The following CUX1 variants were observed in gnomAD, a reference collection of about 807,000 sequenced individuals.
The protein encoded by CUX1 is protein CASP.
CUX1 carries 31 observed loss-of-function variants against 158.8 expected under a neutral mutation model. The ratio of observed to expected loss-of-function variants is 0.20; its 90% confidence interval spans 0.15 to 0.26. CUX1 has a LOEUF of 0.26. Among genes scored for constraint, CUX1 ranks in the 10% least tolerant of loss-of-function variants. The probability of loss-of-function intolerance (pLI) is 1.00; values close to 1 mark genes in which losing one functional copy is unlikely to be tolerated. For missense variants in CUX1, 1,589 were observed against 2,014.6 expected (o/e 0.79, Z 4.04); for synonymous variants, 879 against 862.1 (o/e 1.02, Z -0.34).
intron 20 of CUX1, among the ~76,000 whole-genome samples, chr7:102,210,573 T>C (rs1796413516): frequency 1.3e-5 from 2 of 152,234 alleles, no homozygotes; most frequent in African/African-American, 4.8e-5. Context: ...CTGTTACGTC[T>C]GCATTCACAC....
In CUX1 at chr7:101,817,712, G is replaced by C. The variant is rs767197333; in HGVS notation, c.30+43G>C. The C allele has an allele frequency of 1.9e-6, 3 of 1,547,022 alleles. No homozygotes were observed. Among genetic ancestry groups the C allele is most frequent in the Admixed American group, 3.9e-5 (2 of 50,872 alleles). On this transcript the variant is annotated intron_variant, in intron 1 of 23. Coordinates refer to ENST00000292535, the MANE Select transcript of CUX1 (RefSeq NM_181552.4). This position sits in a 1 kb window ranked among gnomAD's most constrained non-coding sequence, Gnocchi z 4.1. ...CAGAAGTCCCGAGGTTGCAGGCGCG[G>C]AGGGAACCGGGGATGTCGGGGGGTG...
chr7:102,217,958 C>G (rs1797421231), intron 20 of CUX1, among the ~76,000 whole-genome samples: 1 of 152,162 alleles, frequency 6.6e-6, no homozygotes, highest in African/African-American at 2.4e-5. Flanking sequence ...GCGATGGTGT[C>G]TAGAGGGAGA....
intron 5 of CUX1, among the ~76,000 whole-genome samples, chr7:102,097,769 C>T (rs1056276993): frequency 4.6e-5 from 7 of 152,172 alleles, no homozygotes; most frequent in Non-Finnish European, 8.8e-5. Context: ...AAATTCTTCC[C>T]GTATCATTAC....
intron 2 of CUX1, among the ~76,000 whole-genome samples, chr7:102,008,836 C>T (rs1400420849): frequency 6.6e-6 from 1 of 152,160 alleles, no homozygotes; most frequent in Non-Finnish European, 1.5e-5. Flanking sequence ...GATGCGCACC[C>T]CAGGTCTTTT....
chr7:102,143,790 G>A (rs552198707), intron 8 of CUX1, among the ~76,000 whole-genome samples: 122 of 151,282 alleles, frequency 8.1e-4, no homozygotes, highest in Admixed American at 5.5e-3. Flanking sequence ...TTTTTGTTTT[G>A]TTTTGTTTGA....
At chr7:102,271,570 T>C (rs1394745203) in intron 14 of CUX1, among the ~76,000 whole-genome samples, 2 of 152,166 alleles carry the variant, frequency 1.3e-5, no homozygotes, top group African/African-American at 4.8e-5. Flanking sequence ...CTCCTTAAAG[T>C]CCCTGCAGGT....
At chr7:102,059,610 T>A (rs1164584879) in intron 3 of CUX1, among the ~76,000 whole-genome samples, 23 of 138,424 alleles carry the variant, frequency 1.7e-4, no homozygotes, top group Non-Finnish European at 3.2e-4. Context: ...CCAGCCTGAG[T>A]GACAGAGTGA....
chr7:101,890,476 C>T (rs1211522311), intron 1 of CUX1, among the ~76,000 whole-genome samples: 3 of 152,054 alleles, frequency 2.0e-5, no homozygotes, highest in African/African-American at 4.8e-5. Flanking sequence ...ACCCTGCAGC[C>T]TGTCCTTCGT....
upstream of CUX1, among the ~76,000 whole-genome samples, chr7:101,816,605 C>G (rs1283472894): frequency 4.2e-5 from 6 of 144,408 alleles, no homozygotes; most frequent in South Asian, 1.3e-3. Context: ...CCCCGGCCCG[C>G]CGTATTCCCG....
Position 102,196,699 on chromosome 7 carries a change from C to T in CUX1, c.1288C>T (p.Pro430Ser), listed in dbSNP as rs200423314. The change falls in exon 15 of 24, where the codon CCT becomes TCT. Residue 430 changes from proline (P) to serine (S), a missense_variant. Pro to Ser is a moderately conservative substitution (Grantham distance 74, BLOSUM62 -1). Around this residue, in one of 8 missense-constraint regions of CUX1, gnomAD observed 515 missense variants for 574.4 expected, o/e 0.90. Transcript: ENST00000292535. ...SRRPGSLPAP[P>S]PSQLPRNPGE... ...GCGCCCGGGATCTTTGCCGGCCCCC[C>T]CTCCTTCTCAGTTGCCCCGCAACCC... 1.2e-5 allele frequency: 20 copies of T among 1,607,720 alleles called. No homozygotes were observed. The highest frequency in any genetic ancestry group is 1.6e-5 in the Non-Finnish European group (19 of 1,176,114).
chr7:102,218,925 C>T lies in CUX1; in HGVS notation c.3131-8442C>T, dbSNP rs548156967. ...AAAAATAACCAGGCATGGTGGTGCA[C>T]GCCTGTCGTTCCAGCTACTCAGGAG... On this transcript the variant is annotated intron_variant, in intron 20 of 23. Coordinates refer to ENST00000292535, the MANE Select transcript of CUX1 (RefSeq NM_181552.4). 6.1e-5 allele frequency among the ~76,000 whole-genome samples: 9 copies of T among 148,208 alleles called. No individual in the cohort carries two copies. In the East Asian group the frequency reaches 1.5e-3, roughly 24 times the overall value.
At chr7:102,147,509 T>C (rs1377119425) in intron 8 of CUX1, among the ~76,000 whole-genome samples, 2 of 152,204 alleles carry the variant, frequency 1.3e-5, no homozygotes, top group Non-Finnish European at 1.5e-5. Flanking sequence ...CCAAGACTAT[T>C]ATTGCCTTGT....
intron 2 of CUX1, among the ~76,000 whole-genome samples, chr7:101,972,614 C>T (rs1342959227): frequency 6.6e-6 from 1 of 152,200 alleles, no homozygotes; most frequent in Non-Finnish European, 1.5e-5. Context: ...GTGGCCCTTT[C>T]TGCTGTATTC....
chr7:102,244,429 G>A (rs890539221), intron 23 of CUX1, among the ~76,000 whole-genome samples: 4 of 152,164 alleles, frequency 2.6e-5, no homozygotes, highest in Non-Finnish European at 5.9e-5. Context: ...AGGCTGGGCC[G>A]GGCACGGCCT....
Position 101,832,396 on chromosome 7 carries a change from G to A in CUX1, c.30+14727G>A, listed in dbSNP as rs538740443. The stretch of plus-strand genomic sequence containing the variant: ...GGTGTGGTCATCAGTGTCCCCCACC[G>A]ACATGGCACATCCAGCGAGCCCACT... On this transcript the variant is annotated intron_variant, in intron 1 of 23. Coordinates refer to ENST00000292535, the MANE Select transcript of CUX1 (RefSeq NM_181552.4). 2.0e-5 allele frequency among the ~76,000 whole-genome samples: 3 copies of A among 152,322 alleles called. No individual in the cohort carries two copies. The East Asian group carries it at 5.8e-4, about 29-fold the overall frequency.
chr7:101,912,075 C>T (rs751714782), intron 1 of CUX1, among the ~76,000 whole-genome samples: 11 of 152,146 alleles, frequency 7.2e-5, no homozygotes, highest in African/African-American at 1.9e-4. Context: ...ACCAGGGGCC[C>T]GCAGGTGTTT....
At chr7:102,190,041 A>G (rs1554516558) in intron 12 of CUX1, among the ~76,000 whole-genome samples, 170 bp downstream of exon 12, 1 of 152,230 alleles carries the variant, frequency 6.6e-6, no homozygotes, top group African/African-American at 2.4e-5. Flanking sequence ...GCTACCCACC[A>G]CTGTGGGCGT....
At chr7:102,143,907 C>T (rs1354774909) in intron 8 of CUX1, among the ~76,000 whole-genome samples, 1 of 152,068 alleles carries the variant, frequency 6.6e-6, no homozygotes, top group Non-Finnish European at 1.5e-5. Flanking sequence ...CTCAGCCTCC[C>T]GAGTAGCTGG....
chr7:102,207,609 G>A (rs1014940253), intron 20 of CUX1, among the ~76,000 whole-genome samples: 22 of 152,064 alleles, frequency 1.4e-4, no homozygotes, highest in Middle Eastern at 3.4e-3. Context: ...CCATCACCAC[G>A]CCCGGCTAAT....
Sources: allele counts gnomAD v4.1 joint callset (sites outside exome capture counted in the v4.1 genomes callset), GRCh38; gene constraint gnomAD v4.1.1; regional missense constraint gnomAD v4.1.1; non-coding constraint Gnocchi (gnomAD v3.1); transcripts MANE v1.5; gene names NCBI Gene and HGNC (gene_info 2026-07-23, HGNC 2026-07-21).